The following CEP72 variants were observed in gnomAD, a reference collection of about 807,000 sequenced individuals.
CEP72 encodes centrosomal protein of 72 kDa.
A neutral mutation model predicts 65.7 loss-of-function variants in CEP72; 78 were observed. That is an observed-to-expected ratio of 1.19 (90% confidence interval 0.99 to 1.43). The LOEUF is 1.43. Among genes scored for constraint, CEP72 ranks in the 40% most tolerant of loss-of-function variants. The pLI, the probability that CEP72 is intolerant of heterozygous loss-of-function variation, is 0.00. For missense variants in CEP72, 914 were observed against 832.9 expected, an observed-to-expected ratio of 1.10 and a Z score of -1.20; for synonymous variants, 358 against 351.7, an observed-to-expected ratio of 1.02 and a Z score of -0.20.
chr5:615,738 C>T (rs968672311), intron 1 of CEP72, among the ~76,000 whole-genome samples: 12 of 152,008 alleles, frequency 7.9e-5, no homozygotes, highest in Admixed American at 1.3e-4. Context: ...TGTGTTTTTT[C>T]TTCTGTTTCC....
Position 612,604 on chromosome 5 carries a change from G to A in CEP72, c.82+161G>A, listed in dbSNP as rs527667237. 7.6e-5 allele frequency: 75 copies of A among 985,338 alleles called. No individual in the cohort carries two copies. In the African/African-American group the frequency reaches 1.2e-3, roughly 16 times the overall value. The allele number at this position is 985,338 out of a possible 1,614,324, so 61.0% of individuals were successfully genotyped here. On this transcript the variant is annotated intron_variant, in intron 1 of 11. Coordinates refer to ENST00000264935, the MANE Select transcript of CEP72 (RefSeq NM_018140.4). ...GCGAGCGGGGCGCGCGTGTCCAGGTGAGCGACCCACCCCCCGTGCCCAGGT... is the reference window on the plus strand; with the variant it reads ...GCGAGCGGGGCGCGCGTGTCCAGGTAAGCGACCCACCCCCCGTGCCCAGGT...
chr5:658,791 C>G (rs1296812439), downstream of CEP72, among the ~76,000 whole-genome samples: 1 of 151,158 alleles, frequency 6.6e-6, no homozygotes, highest in East Asian at 1.9e-4. Flanking sequence ...GCCTCAGCCT[C>G]CCGAGTAGCT....
At chr5:658,645 A>ATTTTTTT (rs70955278), downstream of CEP72, among the ~76,000 whole-genome samples, 36 of 55,982 alleles carry the variant, frequency 6.4e-4, 8 homozygotes, top group Non-Finnish European at 1.1e-3. Context: ...AGCAAAGCTG[A>ATTTTTTT]TTTTTTTTTT....
chr5:633,168 A>C (rs548304987), intron 4 of CEP72, among the ~76,000 whole-genome samples: 3 of 86,020 alleles, frequency 3.5e-5, no homozygotes, highest in African/African-American at 6.9e-5. Flanking sequence ...GATTTGGCCC[A>C]GTCCTGGTGG....
At position 653,161 on chromosome 5, in the gene CEP72, C is replaced by T. The variant is rs988019099; in HGVS notation, c.*8C>T. 15 of 1,592,472 alleles carry T rather than the reference C, an allele frequency of 9.4e-6. No individual in the cohort carries two copies. The highest frequency in any genetic ancestry group is 4.5e-5 in the East Asian group (2 of 44,572). On this transcript the variant is annotated 3_prime_UTR_variant, in exon 12 of 12. Coordinates refer to ENST00000264935, the MANE Select transcript of CEP72 (RefSeq NM_018140.4). The stretch of plus-strand genomic sequence containing the variant: ...GGCTGCCAGGCCTGCTGACTCCTGC[C>T]GAGAAGCTGGGCCACCCCTTAAGCT...
chr5:641,400 T>G (rs1738010714), intron 9 of CEP72: 1 of 985,304 alleles, frequency 1.0e-6, no homozygotes, highest in Admixed American at 6.1e-5. Context: ...ATCTTTAAAT[T>G]GCGAGTGAAG....
downstream of CEP72, among the ~76,000 whole-genome samples, chr5:659,656 G>T (rs973786898): frequency 6.6e-6 from 1 of 152,186 alleles, no homozygotes; most frequent in African/African-American, 2.4e-5. Flanking sequence ...CCTGACAGAT[G>T]GCTGGTCCGC....
chr5:647,450 CA>C (rs1738497387), intron 10 of CEP72, among the ~76,000 whole-genome samples: 1 of 152,250 alleles, frequency 6.6e-6, no homozygotes, highest in Non-Finnish European at 1.5e-5. Flanking sequence ...GCCCTCCCTT[CA>C]GGGGCACAGT....
chr5:628,565 T>C (rs1265342342), intron 4 of CEP72, among the ~76,000 whole-genome samples: 2 of 138,876 alleles, frequency 1.4e-5, no homozygotes, highest in African/African-American at 5.2e-5. Flanking sequence ...CCCCGGGGAG[T>C]GTTCCCAGGA....
chr5:629,511 G>A (rs868104816), intron 4 of CEP72, among the ~76,000 whole-genome samples: 2 of 127,106 alleles, frequency 1.6e-5, no homozygotes, highest in African/African-American at 6.3e-5. Context: ...ACCAGTCCTG[G>A]TGGGGTTCTG....
At chr5:663,098 T>G (rs1455437048) in intron 1 of CEP72, 42 of 150,008 alleles carry the variant, frequency 2.8e-4, no homozygotes, top group Admixed American at 7.3e-4. Context: ...GATTGGGCGA[T>G]TCCGGTGGCC....
In CEP72 at chr5:616,938, A is replaced by T. The variant is rs367897900; in HGVS notation, c.83-2052A>T. Among the ~76,000 whole-genome samples the T allele has an allele frequency of 1.3e-4, 17 of 133,732 alleles. 2 individuals carry two copies. Among genetic ancestry groups the T allele is most frequent in the Admixed American group, 5.9e-4 (8 of 13,526 alleles). 87.7% of individuals were successfully genotyped at this position (133,732 alleles called of 152,430 possible). On this transcript the variant is annotated intron_variant, in intron 1 of 11. Coordinates refer to ENST00000264935, the MANE Select transcript of CEP72 (RefSeq NM_018140.4). ...GGACGAGGGGTGTGTGCGTGTGTGT[A>T]TGTGTTGTTGTGTGTGTGGGTGGGG...
chr5:650,748 G>T (rs1738980645), intron 11 of CEP72, among the ~76,000 whole-genome samples: 1 of 59,188 alleles, frequency 1.7e-5, no homozygotes. Context: ...TGTGAGGGGT[G>T]ACTGTGAGGC....
intron 1 of CEP72, 48 bp downstream of exon 1, chr5:612,491 T>TG: frequency 5.3e-6 from 3 of 567,470 alleles, no homozygotes; most frequent in Admixed American, 8.9e-5. Context: ...GGCGGGGGGG[T>TG]GGGTGCCGAG....
the CEP72 span, among the ~76,000 whole-genome samples, chr5:674,947 G>C: frequency 2.0e-5 from 3 of 151,164 alleles, no homozygotes; most frequent in African/African-American, 7.3e-5. Context: ...ACAGTCCTGA[G>C]GGAGGTGCAG....
chr5:675,506 C>T, the CEP72 span, among the ~76,000 whole-genome samples: 1 of 112,598 alleles, frequency 8.9e-6, no homozygotes, highest in Admixed American at 1.1e-4. Flanking sequence ...GCCGGGGCTG[C>T]AGTGTGACCA....
At chr5:671,498 T>G (rs576937475), downstream of CEP72, among the ~76,000 whole-genome samples, 1 of 152,360 alleles carries the variant, frequency 6.6e-6, no homozygotes. Flanking sequence ...AAATGACCTG[T>G]GTTGCCTGGT....
chr5:665,420 G>T, intron 3 of CEP72: 1 of 843,228 alleles, frequency 1.2e-6, no homozygotes, highest in African/African-American at 1.7e-5. Context: ...CATAAACCCT[G>T]GGATTTATGC....
In CEP72 at chr5:653,125, C is replaced by G. The variant is rs1366550378; in HGVS notation, c.1916C>G (p.Ala639Gly). The change falls in exon 12 of 12, where the codon GCC (alanine) becomes GGC (glycine). Residue 639 changes from alanine to glycine, a missense_variant. Transcript: ENST00000264935. The part of the protein sequence containing the change: ...KTMALFPHSS[A>G]SHGGCQAC ...ATGGCCCTGTTTCCACACAGCAGCGCCAGCCATGGAGGCTGCCAGGCCTGC... is the reference window on the plus strand; with the variant it reads ...ATGGCCCTGTTTCCACACAGCAGCGGCAGCCATGGAGGCTGCCAGGCCTGC... 1 of 1,611,460 alleles carries G rather than the reference C, an allele frequency of 6.2e-7. No homozygotes were observed. The highest frequency in any genetic ancestry group is 1.7e-5 in the Admixed American group (1 of 59,738).
Sources: gnomAD v4.1 joint callset for allele counts (sites outside exome capture counted in the v4.1 genomes callset) on GRCh38, gnomAD v4.1.1 for gene constraint, MANE v1.5 for transcripts, NCBI Gene and HGNC (gene_info 2026-07-23, HGNC 2026-07-21) for gene names.